ABTB3: variants seen among roughly 807,000 people sequenced by gnomAD.
ABTB3 encodes ankyrin repeat and BTB domain containing 3.
chr12:107,560,947 T>C, the ABTB3 span, among the ~76,000 whole-genome samples: 1 of 152,212 alleles, frequency 6.6e-6, no homozygotes, highest in African/African-American at 2.4e-5. Flanking sequence ...ATAAGAAGCA[T>C]CACCTGTGAT....
At chr12:107,566,567 A>C in the ABTB3 span, among the ~76,000 whole-genome samples, 1 of 152,066 alleles carries the variant, frequency 6.6e-6, no homozygotes. Flanking sequence ...GCAATTTAAC[A>C]CAAAATTTAG....
the ABTB3 span, among the ~76,000 whole-genome samples, chr12:107,539,205 C>T: frequency 6.6e-6 from 1 of 152,176 alleles, no homozygotes; most frequent in African/African-American, 2.4e-5. Context: ...CCTCTGCTGT[C>T]TCTTCTTCCT....
chr12:107,644,938 A>T, the ABTB3 span, among the ~76,000 whole-genome samples: 1 of 146,276 alleles, frequency 6.8e-6, no homozygotes. Context: ...GCTGCATAGT[A>T]TTCCATGGCA....
the ABTB3 span, among the ~76,000 whole-genome samples, chr12:107,652,836 A>G: frequency 3.3e-5 from 5 of 152,244 alleles, no homozygotes; most frequent in Non-Finnish European, 7.3e-5. Flanking sequence ...TGCTGAGCAC[A>G]GGGGGGATTA....
the ABTB3 span, among the ~76,000 whole-genome samples, chr12:107,495,925 G>A: frequency 6.6e-6 from 1 of 152,190 alleles, no homozygotes; most frequent in African/African-American, 2.4e-5. Flanking sequence ...ATGGCACATA[G>A]TAAGTACTAA....
chr12:107,518,441 A>C, the ABTB3 span, among the ~76,000 whole-genome samples: 1 of 152,180 alleles, frequency 6.6e-6, no homozygotes. Context: ...TGATGAGTTC[A>C]TGTCCTTTGT....
chr12:107,471,937 A>G, the ABTB3 span, among the ~76,000 whole-genome samples: 2 of 152,168 alleles, frequency 1.3e-5, no homozygotes, highest in East Asian at 3.8e-4. Flanking sequence ...TAATCTCCTT[A>G]CTTTTCAGAT....
the ABTB3 span, among the ~76,000 whole-genome samples, chr12:107,522,160 C>T: frequency 5.3e-5 from 8 of 151,970 alleles, no homozygotes; most frequent in East Asian, 1.9e-4. Context: ...CCCATCATGA[C>T]GATCCGCCCT....
the ABTB3 span, among the ~76,000 whole-genome samples, chr12:107,368,067 A>C: frequency 1.3e-5 from 2 of 152,238 alleles, no homozygotes; most frequent in South Asian, 2.1e-4. Context: ...ACAGCTGCAC[A>C]GTTAACTCCA....
At chr12:107,374,252 A>G in the ABTB3 span, among the ~76,000 whole-genome samples, 2 of 151,682 alleles carry the variant, frequency 1.3e-5, no homozygotes, top group Admixed American at 1.3e-4. Flanking sequence ...TCCTTTTTCT[A>G]CTTCCTACAT....
the ABTB3 span, among the ~76,000 whole-genome samples, chr12:107,334,476 C>A: frequency 6.6e-6 from 1 of 152,098 alleles, no homozygotes; most frequent in South Asian, 2.1e-4. Context: ...GTTGTCTTAA[C>A]TGAGACGGGA....
chr12:107,369,706 G>GTTTTTTTTTTTTTTT, the ABTB3 span, among the ~76,000 whole-genome samples: 1 of 74,776 alleles, frequency 1.3e-5, no homozygotes, highest in African/African-American at 4.6e-5. Flanking sequence ...GCCCAAACAT[G>GTTTTTTTTTTTTTTT]GTTTTTTTTT....
the ABTB3 span, among the ~76,000 whole-genome samples, chr12:107,616,785 G>C: frequency 6.6e-6 from 1 of 152,202 alleles, no homozygotes; most frequent in African/African-American, 2.4e-5. Context: ...ATCTCCTGGA[G>C]ATCTTGTTAA....
the ABTB3 span, among the ~76,000 whole-genome samples, chr12:107,359,866 C>T: frequency 6.6e-6 from 1 of 152,164 alleles, no homozygotes; most frequent in Non-Finnish European, 1.5e-5. Context: ...CTCCTTTCAT[C>T]GTCAGCTGCC....
At chr12:107,422,529 A>C in the ABTB3 span, among the ~76,000 whole-genome samples, 1 of 152,230 alleles carries the variant, frequency 6.6e-6, no homozygotes, top group Non-Finnish European at 1.5e-5. Flanking sequence ...TAAGAGGGAA[A>C]CAGTGAGACC....
the ABTB3 span, among the ~76,000 whole-genome samples, chr12:107,585,317 C>G: frequency 6.6e-6 from 1 of 152,172 alleles, no homozygotes; most frequent in African/African-American, 2.4e-5. Flanking sequence ...AGATTTTGAG[C>G]TGTTCCAGAA....
chr12:107,332,605 TG>T, the ABTB3 span, among the ~76,000 whole-genome samples: 3 of 152,150 alleles, frequency 2.0e-5, no homozygotes, highest in Non-Finnish European at 2.9e-5. Flanking sequence ...CCCAGGCACC[TG>T]GGGTGAGTAA....
the ABTB3 span, among the ~76,000 whole-genome samples, chr12:107,567,777 G>C: frequency 6.6e-6 from 1 of 152,200 alleles, no homozygotes; most frequent in Non-Finnish European, 1.5e-5. Flanking sequence ...TCTAGGTTGT[G>C]CCCCTTATGA....
the ABTB3 span, among the ~76,000 whole-genome samples, chr12:107,609,877 G>C: frequency 1.3e-5 from 2 of 152,168 alleles, no homozygotes; most frequent in Non-Finnish European, 2.9e-5. Context: ...GTTATGTGGG[G>C]ATTCAATGAA....
Sources: gnomAD v4.1 joint callset for allele counts (sites outside exome capture counted in the v4.1 genomes callset) on GRCh38, gnomAD v4.1.1 for gene constraint, MANE v1.5 for transcripts, NCBI Gene and HGNC (gene_info 2026-07-23, HGNC 2026-07-21) for gene names.